BOP1: variants seen among roughly 807,000 people sequenced by gnomAD.
The protein encoded by BOP1 is BOP1 ribosomal biogenesis factor.
In BOP1, 54 loss-of-function variants were observed where a neutral mutation model predicts 82.9. The observed-to-expected ratio is 0.65, with a 90% CI of 0.52 to 0.82. The LOEUF is 0.82. BOP1 is among the 40% of genes least tolerant of loss of function. The probability of loss-of-function intolerance (pLI) is 0.00; values close to 1 mark genes in which losing one functional copy is unlikely to be tolerated. For missense variants in BOP1, 1,170 were observed against 1,072.0 expected, an observed-to-expected ratio of 1.09 and a Z score of -1.28; for synonymous variants, 566 against 451.1, an observed-to-expected ratio of 1.25 and a Z score of -3.23.
chr8:144,279,413 T>TG (rs1845634246), intron 2 of BOP1, among the ~76,000 whole-genome samples: 3 of 152,146 alleles, frequency 2.0e-5, no homozygotes, highest in Middle Eastern at 6.8e-3. Context: ...ACCAGCCATG[T>TG]GCTCAGCCAC....
intron 3 of BOP1, among the ~76,000 whole-genome samples, chr8:144,271,131 G>T (rs1055395409): frequency 3.1e-4 from 47 of 152,084 alleles, no homozygotes; most frequent in African/African-American, 1.1e-3. Context: ...GCTCTCCTGG[G>T]GGCCGCCCAG....
At chr8:144,262,823 C>T in intron 13 of BOP1, 30 bp downstream of exon 13, 1 of 829,950 alleles carries the variant, frequency 1.2e-6, no homozygotes, top group South Asian at 1.7e-5. Flanking sequence ...CCACCCCTCA[C>T]CTGCAGGGTG....
intron 3 of BOP1, among the ~76,000 whole-genome samples, chr8:144,272,083 C>T (rs1258735924): frequency 2.6e-5 from 4 of 152,126 alleles, no homozygotes; most frequent in Admixed American, 6.5e-5. Flanking sequence ...AGCACCCCAA[C>T]GCCTGGCATC....
At chr8:144,269,548 T>C (rs1845457909) in intron 3 of BOP1, among the ~76,000 whole-genome samples, 1 of 152,164 alleles carries the variant, frequency 6.6e-6, no homozygotes, top group Non-Finnish European at 1.5e-5. Flanking sequence ...GCCAGAGCCA[T>C]TAAGGGCTAG....
At chr8:144,287,655 G>A (rs938802311) in intron 2 of BOP1, among the ~76,000 whole-genome samples, 2 of 152,170 alleles carry the variant, frequency 1.3e-5, no homozygotes, top group Non-Finnish European at 2.9e-5. Context: ...ATGAGCCACT[G>A]TGCCTGGCCC....
chr8:144,269,160 C>T (rs1171453981), intron 3 of BOP1, among the ~76,000 whole-genome samples: 1 of 152,260 alleles, frequency 6.6e-6, no homozygotes, highest in Non-Finnish European at 1.5e-5. Flanking sequence ...TTAGCCCCCA[C>T]AGTGCTCTGT....
chr8:144,272,954 A>G (rs906000747), intron 3 of BOP1, among the ~76,000 whole-genome samples: 1 of 151,952 alleles, frequency 6.6e-6, no homozygotes, highest in East Asian at 2.0e-4. Flanking sequence ...ACCAGACCCG[A>G]GGGCCAGCCC....
In BOP1 at chr8:144,262,156, C is replaced by A; in HGVS notation, c.*8G>T. ...CACGACCACCCCAGCCCCAGGCAGG[C>A]AGAACAGCTAGGTGAAGAGGCGGAC... On this transcript the variant is annotated 3_prime_UTR_variant, in exon 16 of 16. Coordinates refer to ENST00000569669, the MANE Select transcript of BOP1 (RefSeq NM_015201.5). 1 of 1,612,184 alleles carries A rather than the reference C, an allele frequency of 6.2e-7. No individual in the cohort carries two copies. The highest frequency in any genetic ancestry group is 1.7e-5 in the Admixed American group (1 of 60,006).
chr8:144,279,297 T>C (rs1276701089), intron 2 of BOP1, among the ~76,000 whole-genome samples: 1 of 144,816 alleles, frequency 6.9e-6, no homozygotes, highest in Non-Finnish European at 1.5e-5. Context: ...ACAGGTCCCC[T>C]ATACCACCAT....
At position 144,269,996 on chromosome 8, in the gene BOP1, C is replaced by T. The variant is rs913243343; in HGVS notation, c.391-4925G>A. ...GTAGGGAGGGTCCATAGCCCACCTACCCCTCACCTCCAGGCCTCCCATTTC... is the reference window on the plus strand; with the variant it reads ...GTAGGGAGGGTCCATAGCCCACCTATCCCTCACCTCCAGGCCTCCCATTTC... On this transcript the variant is annotated intron_variant, in intron 3 of 15. Coordinates refer to ENST00000569669, the MANE Select transcript of BOP1 (RefSeq NM_015201.5). Among the ~76,000 whole-genome samples the T allele has an allele frequency of 3.9e-5, 6 of 152,210 alleles. No individual in the cohort carries two copies. The East Asian group carries it at 1.2e-3, about 29-fold the overall frequency.
chr8:144,286,152 G>T (rs532497947), intron 2 of BOP1, among the ~76,000 whole-genome samples: 3 of 152,308 alleles, frequency 2.0e-5, no homozygotes, highest in South Asian at 2.1e-4. Flanking sequence ...TGATGAACAG[G>T]GGGGAAAAGG....
chr8:144,273,339 G>C (rs1588597318), intron 3 of BOP1, among the ~76,000 whole-genome samples: 1 of 151,122 alleles, frequency 6.6e-6, no homozygotes, highest in African/African-American at 2.4e-5. Context: ...GCCCAGGCAG[G>C]GTCAGGGGCA....
At chr8:144,267,038 C>A in intron 3 of BOP1, 1 of 1,518,754 alleles carries the variant, frequency 6.6e-7, no homozygotes, top group South Asian at 1.2e-5. Context: ...GACGGACAGC[C>A]CTGCCACTCC....
chr8:144,277,962 A>T (rs970668610), intron 2 of BOP1, among the ~76,000 whole-genome samples: 10 of 152,190 alleles, frequency 6.6e-5, no homozygotes, highest in African/African-American at 2.2e-4. Context: ...CGACACAGAC[A>T]ACGGAACATG....
Position 144,263,886 on chromosome 8 carries a change from A to G in BOP1, c.1166T>C (p.Ile389Thr). The change falls in exon 9 of 16, where the codon ATC (isoleucine) becomes ACC (threonine). Residue 389 changes from isoleucine to threonine, a missense_variant. Ile to Thr is a moderately conservative substitution (Grantham distance 89). Transcript: ENST00000569669. ...GTCCCTCGGCCGAGGCAGCTTGGGG[A>G]TGAGGTCCTCAGGGTCTACATTCAC... Reference protein sequence around the residue: ...MRVNVDPEDLIPKLPRPRDLQ... With the variant: ...MRVNVDPEDLTPKLPRPRDLQ... The G allele has an allele frequency of 6.2e-7, 1 of 1,611,516 alleles. No homozygotes were observed. Among genetic ancestry groups the G allele is most frequent in the South Asian group, 1.1e-5 (1 of 90,968 alleles).
chr8:144,282,129 C>T (rs914797860), intron 2 of BOP1, among the ~76,000 whole-genome samples: 24 of 152,220 alleles, frequency 1.6e-4, no homozygotes, highest in African/African-American at 5.3e-4. Flanking sequence ...CCGCGGCCCG[C>T]GCTGCCGTGT....
At chr8:144,273,808 C>T (rs1053538896) in intron 3 of BOP1, among the ~76,000 whole-genome samples, 26 of 150,960 alleles carry the variant, frequency 1.7e-4, no homozygotes, top group African/African-American at 5.5e-4. Flanking sequence ...CCCCCACTGC[C>T]GGCGGCAGGA....
chr8:144,269,673 C>T (rs1845460200), intron 3 of BOP1, among the ~76,000 whole-genome samples: 1 of 152,218 alleles, frequency 6.6e-6, no homozygotes, highest in South Asian at 2.1e-4. Context: ...TGCAGGAGCC[C>T]ACAGCTGGCC....
chr8:144,284,693 A>G (rs1554839277), intron 2 of BOP1, among the ~76,000 whole-genome samples: 1 of 152,162 alleles, frequency 6.6e-6, no homozygotes, highest in African/African-American at 2.4e-5. Context: ...TCCCTGGCAC[A>G]CCCCTCAGGA....
Sources: allele counts gnomAD v4.1 joint callset (sites outside exome capture counted in the v4.1 genomes callset), GRCh38; gene constraint gnomAD v4.1.1; transcripts MANE v1.5; gene names NCBI Gene and HGNC (gene_info 2026-07-23, HGNC 2026-07-21).